The following ANXA4 variants were observed in gnomAD, a reference collection of about 807,000 sequenced individuals.
ANXA4 encodes the protein annexin A4.
ANXA4 carries 39 observed loss-of-function variants against 49.8 expected under a neutral mutation model. The ratio of observed to expected loss-of-function variants is 0.78; its 90% CI spans 0.61 to 1.02. The LOEUF is 1.02. Ranked by LOEUF, ANXA4 falls within the 50% of genes least tolerant of loss-of-function variation. The pLI is 0.00. For synonymous variants in ANXA4, 134 were observed against 152.5 expected (o/e 0.88, Z 0.89); for missense variants, 360 against 410.1 (o/e 0.88, Z 1.05).
intron 1 of ANXA4, among the ~76,000 whole-genome samples, chr2:69,765,356 G>C (rs1487371998): frequency 3.3e-5 from 5 of 152,110 alleles, no homozygotes. Flanking sequence ...AGTGTAGAAG[G>C]GTTCAAGTTT....
At chr2:69,660,237 T>C (rs2175132) in intron 2 of ANXA4, among the ~76,000 whole-genome samples, 10,800 of 152,170 alleles carry the variant, frequency 0.071, 1,124 homozygotes, top group East Asian at 0.37. Flanking sequence ...TAATACTCTC[T>C]TTGTGGTCAA....
intron 2 of ANXA4, among the ~76,000 whole-genome samples, chr2:69,784,680 C>A (rs899064673): frequency 6.6e-6 from 1 of 152,216 alleles, no homozygotes; most frequent in Non-Finnish European, 1.5e-5. Context: ...TGTATTGCCT[C>A]ACAGTTCTGG....
chr2:69,794,474 A>G (rs950669081), intron 3 of ANXA4, among the ~76,000 whole-genome samples: 2 of 150,254 alleles, frequency 1.3e-5, no homozygotes, highest in African/African-American at 4.9e-5. Context: ...TGCTTTCCCC[A>G]TGGAAAGACT....
intron 1 of ANXA4, among the ~76,000 whole-genome samples, chr2:69,769,793 G>C (rs1314744865): frequency 6.6e-6 from 1 of 152,170 alleles, no homozygotes; most frequent in Non-Finnish European, 1.5e-5. Context: ...CTCCCGGGTA[G>C]CTGGGATTAC....
upstream of ANXA4, among the ~76,000 whole-genome samples, chr2:69,644,165 T>TTCGCGC (rs1553424953): frequency 1.2e-3 from 26 of 21,134 alleles, 2 homozygotes; most frequent in African/African-American, 2.0e-3. Flanking sequence ...ACAACTAAGT[T>TTCGCGC]CCCCCCCCCC....
chr2:69,802,062 G>T (rs1403495313), intron 3 of ANXA4, among the ~76,000 whole-genome samples: 2 of 152,216 alleles, frequency 1.3e-5, no homozygotes, highest in African/African-American at 4.8e-5. Flanking sequence ...GTCCTTTTAT[G>T]TGGCTATTTA....
chr2:69,786,761 G>A lies in ANXA4; in HGVS notation c.10-1293G>A, dbSNP rs116250028. On this transcript the variant is annotated intron_variant, in intron 2 of 12. Transcript: ENST00000394295. Reference sequence around the variant, plus strand: ...TTTTGAGACAGGGTCTCACTCTGTCGCCCAGATTGGAGCACAGTGGTATGA... The same window carrying A: ...TTTTGAGACAGGGTCTCACTCTGTCACCCAGATTGGAGCACAGTGGTATGA... 4.8e-3 allele frequency among the ~76,000 whole-genome samples: 729 copies of A among 152,064 alleles called. 3 individuals are homozygous for A. The highest frequency in any genetic ancestry group is 0.016 in the African/African-American group (680 of 41,470).
intron 2 of ANXA4, among the ~76,000 whole-genome samples, chr2:69,712,002 T>C (rs1678692072): frequency 6.6e-6 from 1 of 152,154 alleles, no homozygotes; most frequent in East Asian, 1.9e-4. Context: ...TTGTATGTGT[T>C]GCCTATTTTG....
chr2:69,708,010 T>C lies in ANXA4; in HGVS notation n.767-12764T>C, dbSNP rs186236348. ...TCCACTCAGCAACATGGTTTTCTCC[T>C]GCCATTTCCTGTTTTCAGTATTTTG... is the stretch of plus-strand genomic sequence containing the variant. On this transcript the variant is annotated intron_variant and non_coding_transcript_variant, in intron 2 of 3. Coordinates refer to the ANXA4 transcript ENST00000418066. 5.8e-4 allele frequency among the ~76,000 whole-genome samples: 88 copies of C among 152,370 alleles called. 1 individual carries two copies. The highest frequency in any genetic ancestry group is 1.0e-3 in the Non-Finnish European group (70 of 68,036).
rs746056212 is a variant in ANXA4, at chr2:69,826,479, T to C, written c.*964T>C. ...CTTTGTAAGAACGTGGAAAAATAATTTTAATTTAAAAATGGTGTTTTTAGG... is the reference window on the plus strand; with the variant it reads ...CTTTGTAAGAACGTGGAAAAATAATCTTAATTTAAAAATGGTGTTTTTAGG... On this transcript the variant is annotated 3_prime_UTR_variant, in exon 13 of 13. Coordinates refer to ENST00000394295, the MANE Select transcript of ANXA4 (RefSeq NM_001153.5). 6.6e-5 allele frequency: 10 copies of C among 152,376 alleles called. No homozygotes were observed. Among genetic ancestry groups the C allele is most frequent in the African/African-American group, 9.6e-5 (4 of 41,462 alleles). The allele number at this position is 152,376 out of a possible 1,614,324, so 9.4% of individuals were successfully genotyped here. A position where few individuals can be genotyped will look rare whatever the true frequency, so the allele number is the denominator to read the frequency against.
At chr2:69,707,216 A>G (rs1003787324) in intron 2 of ANXA4, among the ~76,000 whole-genome samples, 1 of 152,238 alleles carries the variant, frequency 6.6e-6, no homozygotes, top group Non-Finnish European at 1.5e-5. Context: ...GACCCTAGCC[A>G]TAGAGTCATA....
In ANXA4 at chr2:69,651,497, C is replaced by CTTGTTG. The variant is rs560996241; in HGVS notation, n.482-1486_482-1481dup. On this transcript the variant is annotated intron_variant and non_coding_transcript_variant, in intron 1 of 3. Coordinates refer to the ANXA4 transcript ENST00000418066. ...TACCTGTTTTTTAGTATCCATTTGT[C>CTTGTTG]TTGTTGTTGTTGTTGTTGTTTTTGA... Among the ~76,000 whole-genome samples, 15 of 151,888 alleles carry CTTGTTG rather than the reference C, an allele frequency of 9.9e-5. No individual in the cohort carries two copies. In the South Asian group the frequency reaches 2.7e-3, roughly 27 times the overall value.
chr2:69,743,280 T>A (rs1470055165), intron 1 of ANXA4, among the ~76,000 whole-genome samples: 6 of 152,106 alleles, frequency 3.9e-5, no homozygotes, highest in Non-Finnish European at 8.8e-5. Context: ...CGCAGTGATA[T>A]GATCTCTGCT....
intron 3 of ANXA4, among the ~76,000 whole-genome samples, chr2:69,730,102 G>A (rs1323335682): frequency 6.6e-6 from 1 of 152,162 alleles, no homozygotes; most frequent in Admixed American, 6.5e-5. Flanking sequence ...CACTTTGGGA[G>A]GCCAAGGCGG....
At chr2:69,776,082 C>T (rs1671953568) in intron 1 of ANXA4, among the ~76,000 whole-genome samples, 1 of 151,996 alleles carries the variant, frequency 6.6e-6, no homozygotes, top group African/African-American at 2.4e-5. Flanking sequence ...TCACATGATT[C>T]TCCTGCCTCA....
At chr2:69,681,875 T>C (rs1421966288) in intron 2 of ANXA4, among the ~76,000 whole-genome samples, 1 of 152,040 alleles carries the variant, frequency 6.6e-6, no homozygotes, top group Admixed American at 6.5e-5. Context: ...CTTGCTCTGT[T>C]GCCCAGGCTG....
chr2:69,820,554 G>A, intron 11 of ANXA4, 145 bp from the exon 12 acceptor site: 1 of 853,608 alleles, frequency 1.2e-6, no homozygotes, highest in East Asian at 2.6e-5. Context: ...ATGATAAAGA[G>A]TGAGGATATT....
intron 2 of ANXA4, among the ~76,000 whole-genome samples, chr2:69,660,603 A>G (rs1445521008): frequency 6.6e-6 from 1 of 152,232 alleles, no homozygotes; most frequent in Non-Finnish European, 1.5e-5. Context: ...AAAAGAGTGT[A>G]TGAAGAAACA....
intron 1 of ANXA4, among the ~76,000 whole-genome samples, chr2:69,753,683 A>T (rs1670941585): frequency 2.0e-5 from 3 of 152,196 alleles, no homozygotes; most frequent in African/African-American, 7.2e-5. Context: ...AGTGGGTCAC[A>T]TGGCCACTCC....
Sources: gnomAD v4.1 joint callset for allele counts (sites outside exome capture counted in the v4.1 genomes callset) on GRCh38, gnomAD v4.1.1 for gene constraint, MANE v1.5 for transcripts, NCBI Gene and HGNC (gene_info 2026-07-23, HGNC 2026-07-21) for gene names.